Variants in CNBD1 observed in about 807,000 individuals in gnomAD.
CNBD1 encodes cyclic nucleotide-binding domain-containing protein 1.
Under a neutral mutation model 54.4 loss-of-function variants are expected in CNBD1, and 71 were observed. That is an observed-to-expected ratio of 1.30 (90% CI 1.08 to 1.59). The LOEUF (loss-of-function observed/expected upper bound fraction) is 1.59, where lower values mean the gene tolerates loss of function less well. Ranked by LOEUF, CNBD1 falls within the 40% of genes most tolerant of loss-of-function variation. The probability of loss-of-function intolerance (pLI) is 0.00; values close to 1 mark genes in which losing one functional copy is unlikely to be tolerated. For missense variants in CNBD1, 659 were observed against 518.0 expected (o/e 1.27, Z -2.64); for synonymous variants, 182 against 170.7 (o/e 1.07, Z -0.51).
intron 2 of CNBD1, among the ~76,000 whole-genome samples, chr8:87,414,551 C>T (rs1389968802): frequency 2.0e-5 from 3 of 151,632 alleles, no homozygotes; most frequent in South Asian, 4.2e-4. Flanking sequence ...TTAATATGTA[C>T]TGGATATATG....
At chr8:87,106,280 C>G (rs1161785004) in intron 4 of CNBD1, among the ~76,000 whole-genome samples, 1 of 151,804 alleles carries the variant, frequency 6.6e-6, no homozygotes. Context: ...TTGGCATCAT[C>G]TCATCTCACT....
At chr8:87,350,631 G>A (rs16898952) in intron 8 of CNBD1, among the ~76,000 whole-genome samples, 3,660 of 151,720 alleles carry the variant, frequency 0.024, 148 homozygotes, top group African/African-American at 0.081. Context: ...AACAAATAGG[G>A]ATGCCTTCAA....
intron 4 of CNBD1, among the ~76,000 whole-genome samples, chr8:87,115,935 A>G (rs532612849): frequency 6.6e-6 from 1 of 152,210 alleles, no homozygotes; most frequent in Non-Finnish European, 1.5e-5. Context: ...ATCATTACAA[A>G]TACCTTCAAT....
chr8:87,086,188 T>C (rs1811092188), intron 4 of CNBD1, among the ~76,000 whole-genome samples: 1 of 152,154 alleles, frequency 6.6e-6, no homozygotes, highest in Non-Finnish European at 1.5e-5. Context: ...CTCACACTCA[T>C]CCCCTTTTAG....
At chr8:87,396,795 A>C (rs1811414875) in intron 2 of CNBD1, among the ~76,000 whole-genome samples, 1 of 151,442 alleles carries the variant, frequency 6.6e-6, no homozygotes, top group Admixed American at 6.6e-5. Context: ...TAATATTTTC[A>C]AATACCACCC....
At chr8:87,301,164 C>G (rs925567456) in intron 8 of CNBD1, among the ~76,000 whole-genome samples, 3 of 151,714 alleles carry the variant, frequency 2.0e-5, no homozygotes, top group Non-Finnish European at 2.9e-5. Context: ...AATTAGATAC[C>G]CTGAACAGAC....
At chr8:87,188,955 GA>G (rs1813542129) in intron 4 of CNBD1, among the ~76,000 whole-genome samples, 1 of 150,526 alleles carries the variant, frequency 6.6e-6, no homozygotes, top group African/African-American at 2.4e-5. Flanking sequence ...ATTATATGAA[GA>G]ATAATTAAGA....
At chr8:87,106,686 A>G (rs1289780088) in intron 4 of CNBD1, among the ~76,000 whole-genome samples, 2 of 152,154 alleles carry the variant, frequency 1.3e-5, no homozygotes, top group Admixed American at 6.5e-5. Context: ...CTTCCATGAT[A>G]AGAATACAAA....
chr8:87,111,172 T>C (rs921449735), intron 4 of CNBD1, among the ~76,000 whole-genome samples: 2 of 152,216 alleles, frequency 1.3e-5, no homozygotes, highest in African/African-American at 4.8e-5. Context: ...CACTTGGCTT[T>C]TCCTGTAACA....
At chr8:87,414,200 T>G (rs1268646444) in intron 2 of CNBD1, among the ~76,000 whole-genome samples, 1 of 151,822 alleles carries the variant, frequency 6.6e-6, no homozygotes, top group Non-Finnish European at 1.5e-5. Flanking sequence ...CCATAAAAAA[T>G]GAAGAGTTCA....
intron 6 of CNBD1, among the ~76,000 whole-genome samples, chr8:87,283,066 GTCTCCA>G (rs1352479330): frequency 1.3e-5 from 2 of 151,782 alleles, no homozygotes; most frequent in Admixed American, 1.3e-4. Flanking sequence ...ATGCTAAATG[GTCTCCA>G]TCTATCTTCT....
At position 87,009,179 on chromosome 8, in the gene CNBD1, A is replaced by T. The variant is rs980754377; in HGVS notation, c.431+69425A>T. ...AATTAGTGCCTTTATACTTCTAGAA[A>T]ATTATAATAAGCTTAAAATAGTTTA... On this transcript the variant is annotated intron_variant, in intron 4 of 10. Coordinates refer to ENST00000518476, the MANE Select transcript of CNBD1 (RefSeq NM_173538.3). 3.9e-5 allele frequency among the ~76,000 whole-genome samples: 6 copies of T among 152,090 alleles called. 1 individual carries two copies. Among genetic ancestry groups the T allele is most frequent in the Non-Finnish European group, 2.9e-5 (2 of 68,016 alleles).
At chr8:87,369,409 C>T (rs1327560377) in intron 10 of CNBD1, among the ~76,000 whole-genome samples, 1 of 151,910 alleles carries the variant, frequency 6.6e-6, no homozygotes, top group Non-Finnish European at 1.5e-5. Context: ...TGCTCATGCT[C>T]TTTATTTTTC....
intron 4 of CNBD1, among the ~76,000 whole-genome samples, chr8:86,976,847 A>G (rs1324452810): frequency 6.6e-6 from 1 of 152,014 alleles, no homozygotes; most frequent in Non-Finnish European, 1.5e-5. Flanking sequence ...TAGAAAGTAG[A>G]AATGATACTG....
intron 4 of CNBD1, among the ~76,000 whole-genome samples, chr8:87,140,179 T>C (rs1302891608): frequency 6.6e-6 from 1 of 152,128 alleles, no homozygotes; most frequent in African/African-American, 2.4e-5. Context: ...GGACTTTATA[T>C]TGTGTATGTT....
chr8:87,256,021 T>A (rs1382884627), intron 6 of CNBD1, among the ~76,000 whole-genome samples: 712 of 34,774 alleles, frequency 0.02, 1 homozygote, highest in Non-Finnish European at 0.033. Flanking sequence ...ATATATTTTT[T>A]TTTTTTTTTT....
At chr8:87,393,146 T>A (rs1237031493) in intron 2 of CNBD1, among the ~76,000 whole-genome samples, 1 of 151,860 alleles carries the variant, frequency 6.6e-6, no homozygotes, top group Non-Finnish European at 1.5e-5. Flanking sequence ...AAGAGATTAT[T>A]TTTAGGCATG....
At chr8:87,352,108 T>A (rs1810310290) in intron 9 of CNBD1, among the ~76,000 whole-genome samples, 1 of 152,106 alleles carries the variant, frequency 6.6e-6, no homozygotes, top group Non-Finnish European at 1.5e-5. Context: ...TTGGCTAAGA[T>A]GCACTTAATC....
intron 1 of CNBD1, among the ~76,000 whole-genome samples, chr8:86,885,357 A>G (rs1432268824): frequency 2.0e-5 from 3 of 152,280 alleles, no homozygotes; most frequent in East Asian, 1.9e-4. Flanking sequence ...TAATTTCTCA[A>G]TGGGTTCCTA....
Sources: gnomAD v4.1 joint callset for allele counts (sites outside exome capture counted in the v4.1 genomes callset) on GRCh38, gnomAD v4.1.1 for gene constraint, MANE v1.5 for transcripts, NCBI Gene and HGNC (gene_info 2026-07-23, HGNC 2026-07-21) for gene names.